The following NAALADL2 variants were observed in gnomAD, a reference collection of about 807,000 sequenced individuals.
NAALADL2 encodes inactive N-acetylated-alpha-linked acidic dipeptidase-like protein 2.
Under a neutral mutation model 87.2 loss-of-function variants are expected in NAALADL2, and 76 were observed. That is an observed-to-expected ratio of 0.87 (90% CI 0.72 to 1.05). The LOEUF is 1.05. NAALADL2 is among the 50% of genes least tolerant of loss of function. NAALADL2 has a pLI of 0.00. For missense variants in NAALADL2, 1,089 were observed against 945.8 expected (o/e 1.15, Z -1.99); for synonymous variants, 354 against 331.0 (o/e 1.07, Z -0.75).
At chr3:175,418,451 A>T (rs1025002096) in intron 5 of NAALADL2, among the ~76,000 whole-genome samples, 1 of 152,184 alleles carries the variant, frequency 6.6e-6, no homozygotes, top group Admixed American at 6.6e-5. Context: ...TTTATAAAGT[A>T]TATTAAATGT....
intron 2 of NAALADL2, among the ~76,000 whole-genome samples, chr3:175,192,174 T>C (rs923666899): frequency 2.0e-5 from 3 of 152,120 alleles, no homozygotes; most frequent in African/African-American, 7.2e-5. Context: ...TTGCAAGATG[T>C]ACTTCATCTT....
chr3:175,063,093 AG>A (rs1713852920), intron 1 of NAALADL2, among the ~76,000 whole-genome samples: 1 of 152,186 alleles, frequency 6.6e-6, no homozygotes, highest in South Asian at 2.1e-4. Context: ...AAACAATGTA[AG>A]TATACAGTTT....
At chr3:175,209,290 C>G (rs1741421583) in intron 2 of NAALADL2, among the ~76,000 whole-genome samples, 1 of 151,950 alleles carries the variant, frequency 6.6e-6, no homozygotes, top group Non-Finnish European at 1.5e-5. Flanking sequence ...GAAAAAAAAG[C>G]ATTTAGTTCA....
chr3:174,773,580 A>C (rs1714842129), intron 3 of NAALADL2, among the ~76,000 whole-genome samples: 1 of 152,192 alleles, frequency 6.6e-6, no homozygotes, highest in Non-Finnish European at 1.5e-5. Flanking sequence ...GTGTGCCTTC[A>C]AGATATACTT....
chr3:175,447,812 G>T (rs574535077), intron 6 of NAALADL2, among the ~76,000 whole-genome samples: 2 of 152,108 alleles, frequency 1.3e-5, no homozygotes, highest in Non-Finnish European at 2.9e-5. Flanking sequence ...CTGTCTATGC[G>T]CATCATCGCC....
intron 2 of NAALADL2, among the ~76,000 whole-genome samples, chr3:175,202,969 C>A (rs1009095713): frequency 6.6e-6 from 1 of 152,154 alleles, no homozygotes; most frequent in East Asian, 1.9e-4. Flanking sequence ...CCCACCTTCC[C>A]CCGCCCAAAC....
chr3:175,683,897 T>C (rs1219137440), intron 11 of NAALADL2, among the ~76,000 whole-genome samples: 1 of 151,884 alleles, frequency 6.6e-6, no homozygotes, highest in African/African-American at 2.4e-5. Context: ...TGAGACAAAG[T>C]GTTGAAAAAT....
chr3:175,261,100 C>T (rs1224241117), intron 4 of NAALADL2, among the ~76,000 whole-genome samples: 1 of 152,092 alleles, frequency 6.6e-6, no homozygotes, highest in African/African-American at 2.4e-5. Context: ...GCTTTAGGTT[C>T]ATTTTAGCTA....
intron 11 of NAALADL2, among the ~76,000 whole-genome samples, chr3:175,699,740 C>T (rs1029007126): frequency 6.6e-6 from 1 of 151,796 alleles, no homozygotes; most frequent in Non-Finnish European, 1.5e-5. Context: ...CACTGAGTGA[C>T]AATTAGAAAG....
At chr3:175,642,499 C>CTTTTTTTTTTTTTTTTTTT (rs1206070195) in intron 11 of NAALADL2, among the ~76,000 whole-genome samples, 1 of 141,402 alleles carries the variant, frequency 7.1e-6, no homozygotes, top group Non-Finnish European at 1.5e-5. Flanking sequence ...TCACCCAAAT[C>CTTTTTTTTTTTTTTTTTTT]TTTTTTTTTT....
intron 10 of NAALADL2, among the ~76,000 whole-genome samples, chr3:175,618,143 T>G (rs1725609900): frequency 6.6e-6 from 1 of 152,202 alleles, no homozygotes; most frequent in African/African-American, 2.4e-5. Context: ...AAATTTCAAA[T>G]ACTTGAGTTA....
At chr3:174,528,424 GT>G (rs1720958288) in intron 1 of NAALADL2, among the ~76,000 whole-genome samples, 1 of 152,170 alleles carries the variant, frequency 6.6e-6, no homozygotes, top group Admixed American at 6.5e-5. Context: ...GAGGTCAGGA[GT>G]TTGAGACCAG....
chr3:174,653,625 G>A (rs1724604791), intron 2 of NAALADL2, among the ~76,000 whole-genome samples: 1 of 152,198 alleles, frequency 6.6e-6, no homozygotes, highest in Non-Finnish European at 1.5e-5. Context: ...AGGTTTTAGT[G>A]GAAGTAGGAT....
chr3:174,911,928 G>A (rs1327214448), intron 1 of NAALADL2, among the ~76,000 whole-genome samples: 1 of 151,988 alleles, frequency 6.6e-6, no homozygotes, highest in Non-Finnish European at 1.5e-5. Context: ...CCATTCTCCC[G>A]CAGACAGACT....
rs968392124 is a variant in NAALADL2 at position 175,114,037 on chromosome 3, T to A, written c.545+16746T>A. Among the ~76,000 whole-genome samples the A allele has an allele frequency of 2.6e-5, 4 of 151,642 alleles. No homozygotes were observed. The South Asian group carries it at 8.3e-4, about 31-fold the overall frequency. Reference sequence around the variant, plus strand: ...GTCAGGTCTTAGTAATTTCCTTAAATGTATTTAATATCGGCTTCATGCAAG... The same window carrying A: ...GTCAGGTCTTAGTAATTTCCTTAAAAGTATTTAATATCGGCTTCATGCAAG... On this transcript the variant is annotated intron_variant, in intron 2 of 13. Coordinates refer to ENST00000454872, the MANE Select transcript of NAALADL2 (RefSeq NM_207015.3).
chr3:175,656,690 A>G (rs1731507508), intron 11 of NAALADL2, among the ~76,000 whole-genome samples: 1 of 152,062 alleles, frequency 6.6e-6, no homozygotes, highest in Admixed American at 6.6e-5. Flanking sequence ...AGAGGAAGAA[A>G]GCTAAAAGCT....
At chr3:175,046,008 TTA>T (rs1754623068) in intron 1 of NAALADL2, among the ~76,000 whole-genome samples, 3 of 121,516 alleles carry the variant, frequency 2.5e-5, no homozygotes, top group African/African-American at 4.5e-5. Flanking sequence ...TGTCTAGACT[TTA>T]TGTTTTTTTT....
At chr3:175,580,711 A>T (rs1280899917) in intron 10 of NAALADL2, among the ~76,000 whole-genome samples, 1 of 152,204 alleles carries the variant, frequency 6.6e-6, no homozygotes, top group African/African-American at 2.4e-5. Flanking sequence ...AAAGGGGTTC[A>T]TTGGTGTTCT....
chr3:175,622,654 T>A (rs1726393233), intron 10 of NAALADL2, among the ~76,000 whole-genome samples: 1 of 152,130 alleles, frequency 6.6e-6, no homozygotes, highest in Non-Finnish European at 1.5e-5. Flanking sequence ...AGTCTTCTCA[T>A]CCATAAAGTG....
Sources: allele counts gnomAD v4.1 joint callset (sites outside exome capture counted in the v4.1 genomes callset), GRCh38; gene constraint gnomAD v4.1.1; transcripts MANE v1.5; gene names NCBI Gene and HGNC (gene_info 2026-07-23, HGNC 2026-07-21).